BPHL: variants seen among roughly 807,000 people sequenced by gnomAD.
The protein encoded by BPHL is serine hydrolase BPHL.
A neutral mutation model predicts 31.2 loss-of-function variants in BPHL; 27 were observed. The ratio of observed to expected loss-of-function variants is 0.87; its 90% CI spans 0.64 to 1.19. The LOEUF (loss-of-function observed/expected upper bound fraction) is 1.19, where lower values mean the gene tolerates loss of function less well. Ranked by LOEUF, BPHL falls within the 50% of genes most tolerant of loss-of-function variation. BPHL has a pLI of 0.00. For missense variants in BPHL, 356 were observed against 375.7 expected (o/e 0.95, Z 0.43); for synonymous variants, 150 against 146.8 (o/e 1.02, Z -0.16).
Position 3,153,228 on chromosome 6 carries a change from A to C in BPHL, c.*653A>C, listed in dbSNP as rs9503412. 12,914 of 153,778 alleles carry C rather than the reference A, an allele frequency of 0.084. 780 individuals are homozygous for C. The highest frequency in any genetic ancestry group is 0.17 in the African/African-American group (6,880 of 41,474). 9.5% of individuals were successfully genotyped at this position (153,778 alleles called of 1,614,324 possible). A position where few individuals can be genotyped will look rare whatever the true frequency, so the allele number is the denominator to read the frequency against. ...TAGTGTTAATGTTGGAGATTTTAAGACATCTTGAATTTGTACTGTACCTTT... is the reference window on the plus strand; with the variant it reads ...TAGTGTTAATGTTGGAGATTTTAAGCCATCTTGAATTTGTACTGTACCTTT... On this transcript the variant is annotated 3_prime_UTR_variant, in exon 7 of 7. Transcript: ENST00000380379.
At chr6:3,147,656 A>G (rs916541576) in intron 6 of BPHL, among the ~76,000 whole-genome samples, 3 of 152,192 alleles carry the variant, frequency 2.0e-5, no homozygotes, top group African/African-American at 4.8e-5. Flanking sequence ...GTGTATGTAT[A>G]TATAGGTAGA....
In BPHL at chr6:3,140,074, C is replaced by T. The variant is rs1292324374; in HGVS notation, c.665-312C>T. The T allele has an allele frequency of 9.5e-6, 3 of 316,894 alleles. No individual in the cohort carries two copies. The highest frequency in any genetic ancestry group is 8.1e-5 in the South Asian group (2 of 24,718). 19.6% of individuals were successfully genotyped at this position (316,894 alleles called of 1,614,324 possible). The stretch of plus-strand genomic sequence containing the variant: ...CTACCACTGTTTTCACGGTGGGAAC[C>T]GCCACTGTGGAATATAGTGGTGGGG... On this transcript the variant is annotated intron_variant, in intron 5 of 6. Transcript: ENST00000380379. This position sits in a 1 kb window ranked among gnomAD's most constrained non-coding sequence, Gnocchi z 5.2.
At position 3,129,191 on chromosome 6, in the gene BPHL, A is replaced by G. The variant is rs200237488; in HGVS notation, c.525A>G (p.Ile175Met). 5 of 1,581,830 alleles carry G rather than the reference A, an allele frequency of 3.2e-6. No homozygotes were observed. The highest frequency in any genetic ancestry group is 3.4e-6 in the Non-Finnish European group (4 of 1,164,292). ...ACGTCACTGACGAAGACAGCATGATATATGAGGGTAGGTTCTGCGAAGGGG... is the reference window on the plus strand; with the variant it reads ...ACGTCACTGACGAAGACAGCATGATGTATGAGGGTAGGTTCTGCGAAGGGG... ...NAYVTDEDSMIYEGIRDVSKW... is the reference protein window; with the variant it reads ...NAYVTDEDSMMYEGIRDVSKW... The change falls in exon 4 of 7, where the codon ATA (isoleucine) becomes ATG (methionine). Residue 175 changes from isoleucine to methionine, a missense_variant. Physicochemically the swap from Ile to Met is conservative, Grantham distance 10 (BLOSUM62 1). Coordinates refer to ENST00000380379, the MANE Select transcript of BPHL (RefSeq NM_004332.4).
At chr6:3,144,080 T>C (rs1366060019) in intron 6 of BPHL, among the ~76,000 whole-genome samples, 2 of 152,246 alleles carry the variant, frequency 1.3e-5, no homozygotes, top group African/African-American at 4.8e-5. Context: ...TCCTCTTTTT[T>C]TGTTTTTGAG....
chr6:3,147,642 A>G (rs1762419654), intron 6 of BPHL, among the ~76,000 whole-genome samples: 1 of 152,156 alleles, frequency 6.6e-6, no homozygotes, highest in Non-Finnish European at 1.5e-5. Context: ...CAAGACGTAT[A>G]TGTGTGTATG....
At chr6:3,133,085 C>G (rs760176433) in intron 4 of BPHL, among the ~76,000 whole-genome samples, 1 of 152,154 alleles carries the variant, frequency 6.6e-6, no homozygotes, top group Non-Finnish European at 1.5e-5. Context: ...TTATTGAGTG[C>G]CTGCCGTGAG....
chr6:3,142,881 AT>A (rs1318582953), intron 6 of BPHL, among the ~76,000 whole-genome samples: 4 of 152,308 alleles, frequency 2.6e-5, no homozygotes, highest in Non-Finnish European at 5.9e-5. Context: ...TAATTTAGGA[AT>A]TAAAGTTTAA....
chr6:3,143,692 C>T (rs138879666), intron 6 of BPHL, among the ~76,000 whole-genome samples: 1 of 152,328 alleles, frequency 6.6e-6, no homozygotes, highest in Non-Finnish European at 1.5e-5. Context: ...ACTCATATGA[C>T]TTCATTTCAA....
At chr6:3,122,061 C>T (rs1581459038) in intron 1 of BPHL, among the ~76,000 whole-genome samples, 2 of 151,960 alleles carry the variant, frequency 1.3e-5, no homozygotes, top group Non-Finnish European at 2.9e-5. Context: ...AGGCAGATCA[C>T]GAGGTCAGGA....
chr6:3,135,702 T>C (rs1762001455), intron 4 of BPHL, among the ~76,000 whole-genome samples: 1 of 152,226 alleles, frequency 6.6e-6, no homozygotes, highest in South Asian at 2.1e-4. Flanking sequence ...TTCTGCATAA[T>C]TTCTTAAGAT....
intron 4 of BPHL, among the ~76,000 whole-genome samples, chr6:3,133,198 C>T (rs1761918876): frequency 1.3e-5 from 2 of 151,954 alleles, no homozygotes; most frequent in South Asian, 2.1e-4. Flanking sequence ...CCTTCCAGAC[C>T]ACATCCCCCA....
chr6:3,143,599 T>C (rs1196438322), intron 6 of BPHL, among the ~76,000 whole-genome samples: 1 of 152,216 alleles, frequency 6.6e-6, no homozygotes, highest in Non-Finnish European at 1.5e-5. Context: ...ACGACAGCAG[T>C]GATGGGGAGC....
intron 1 of BPHL, among the ~76,000 whole-genome samples, chr6:3,123,440 T>C (rs929934499): frequency 1.1e-4 from 17 of 152,234 alleles, no homozygotes; most frequent in African/African-American, 4.1e-4. Context: ...GTAATTAGCA[T>C]ATCCATCGTC....
chr6:3,146,599 G>T (rs1291789329), intron 6 of BPHL, among the ~76,000 whole-genome samples: 3 of 61,104 alleles, frequency 4.9e-5, no homozygotes, highest in Admixed American at 1.6e-4. Context: ...TGGGTTCGGG[G>T]TGGAGTGCTG....
intron 6 of BPHL, among the ~76,000 whole-genome samples, chr6:3,146,681 G>C (rs930890922): frequency 2.1e-5 from 3 of 144,970 alleles, no homozygotes; most frequent in African/African-American, 8.0e-5. Context: ...TTGGAGTGCT[G>C]GTTCCAGTTG....
intron 4 of BPHL, among the ~76,000 whole-genome samples, chr6:3,132,202 C>T (rs953584257): frequency 2.0e-5 from 3 of 152,222 alleles, no homozygotes; most frequent in Non-Finnish European, 4.4e-5. Context: ...ACCAAGCCCC[C>T]ACCACGCACC....
Position 3,136,055 on chromosome 6 carries a change from A to T in BPHL, c.533-1307A>T, listed in dbSNP as rs548257126. 2.6e-5 allele frequency among the ~76,000 whole-genome samples: 4 copies of T among 152,266 alleles called. No individual in the cohort carries two copies. In the South Asian group the frequency reaches 8.3e-4, roughly 32 times the overall value. On this transcript the variant is annotated intron_variant, in intron 4 of 6. Transcript: ENST00000380379. Reference sequence around the variant, plus strand: ...TCAGGGTTCTGTTTCTCATGTGCAGACACACTCATACACACTCACACCCCG... The same window carrying T: ...TCAGGGTTCTGTTTCTCATGTGCAGTCACACTCATACACACTCACACCCCG...
At position 3,152,679 on chromosome 6, in the gene BPHL, C is replaced by T. The variant is rs1306469767; in HGVS notation, c.*104C>T. On this transcript the variant is annotated 3_prime_UTR_variant, in exon 7 of 7. Coordinates refer to ENST00000380379, the MANE Select transcript of BPHL (RefSeq NM_004332.4). ...ACTCTCCGCCTTTGAAACTTTCTAC[C>T]CCTCCCTTCAATCTTATCCTAACCA... is the stretch of plus-strand genomic sequence containing the variant. The T allele has an allele frequency of 3.0e-6, 3 of 992,772 alleles. No individual in the cohort carries two copies. The highest frequency in any genetic ancestry group is 2.2e-5 in the Admixed American group (1 of 44,770). 61.5% of individuals were successfully genotyped at this position (992,772 alleles called of 1,614,324 possible).
intron 6 of BPHL, among the ~76,000 whole-genome samples, chr6:3,145,088 G>A (rs1343573504): frequency 2.0e-5 from 3 of 152,130 alleles, no homozygotes; most frequent in Non-Finnish European, 4.4e-5. Context: ...TTGCAGTGCT[G>A]GTTTGGGTTG....
Sources: gnomAD v4.1 joint callset for allele counts (sites outside exome capture counted in the v4.1 genomes callset) on GRCh38, gnomAD v4.1.1 for gene constraint, Gnocchi (gnomAD v3.1) non-coding constraint, MANE v1.5 for transcripts, NCBI Gene and HGNC (gene_info 2026-07-23, HGNC 2026-07-21) for gene names.